The following NBAS variants were observed in gnomAD, a reference collection of about 807,000 sequenced individuals.
NBAS encodes NAG/BC035112 fusion.
A neutral mutation model predicts 302.5 loss-of-function variants in NBAS; 219 were observed. The ratio of observed to expected loss-of-function variants is 0.72; its 90% CI spans 0.65 to 0.81. The LOEUF (loss-of-function observed/expected upper bound fraction) is 0.81, where lower values mean the gene tolerates loss of function less well. Ranked by LOEUF, NBAS falls within the 30% of genes least tolerant of loss-of-function variation. NBAS has a pLI of 0.00. For synonymous variants in NBAS, 1,118 were observed against 1,021.6 expected (o/e 1.09, Z -1.80); for missense variants, 2,932 against 2,841.6 (o/e 1.03, Z -0.72).
At chr2:14,842,515 G>A in the NBAS span, among the ~76,000 whole-genome samples, 1 of 151,710 alleles carries the variant, frequency 6.6e-6, no homozygotes, top group East Asian at 1.9e-4. Context: ...GAAATAAGAA[G>A]AATCACCAGA....
the NBAS span, among the ~76,000 whole-genome samples, chr2:15,031,659 T>C: frequency 6.6e-6 from 1 of 152,160 alleles, no homozygotes; most frequent in Non-Finnish European, 1.5e-5. Flanking sequence ...TGAAGAGAGC[T>C]TTTCCCCCAC....
chr2:14,880,680 A>C, the NBAS span, among the ~76,000 whole-genome samples: 2 of 152,006 alleles, frequency 1.3e-5, no homozygotes, highest in Non-Finnish European at 2.9e-5. Context: ...TGAAAATAAG[A>C]GATATGAAAG....
the NBAS span, among the ~76,000 whole-genome samples, chr2:15,122,122 C>T: frequency 6.7e-6 from 1 of 148,514 alleles, no homozygotes; most frequent in Non-Finnish European, 1.5e-5. Context: ...GGATGGAGGA[C>T]TCCGTTAGCC....
At chr2:14,827,760 G>C in the NBAS span, among the ~76,000 whole-genome samples, 1 of 152,062 alleles carries the variant, frequency 6.6e-6, no homozygotes, top group African/African-American at 2.4e-5. Context: ...AAACTTAGAG[G>C]AGCAGGGAAT....
chr2:14,890,314 T>C, the NBAS span, among the ~76,000 whole-genome samples: 2 of 152,184 alleles, frequency 1.3e-5, no homozygotes, highest in African/African-American at 4.8e-5. Context: ...TGATGTAAGA[T>C]AGAAATTTCC....
intron 21 of NBAS, among the ~76,000 whole-genome samples, chr2:15,440,111 C>T (rs1166753679): frequency 2.6e-5 from 4 of 152,266 alleles, no homozygotes; most frequent in Non-Finnish European, 1.5e-5. Flanking sequence ...GCAGTAATCT[C>T]TGCAGACTTA....
the NBAS span, among the ~76,000 whole-genome samples, chr2:14,849,315 G>A: frequency 6.6e-6 from 1 of 152,028 alleles, no homozygotes; most frequent in African/African-American, 2.4e-5. Context: ...CGATCAACTG[G>A]AAGAAAGGGT....
At chr2:15,387,799 T>C (rs1675381289) in intron 28 of NBAS, among the ~76,000 whole-genome samples, 1 of 152,070 alleles carries the variant, frequency 6.6e-6, no homozygotes, top group East Asian at 1.9e-4. Flanking sequence ...ACCCAGCTAA[T>C]ATTTGTTTGT....
intron 8 of NBAS, among the ~76,000 whole-genome samples, chr2:15,535,552 A>AAATAAATAAATAAACT (rs1553334462): frequency 3.4e-4 from 9 of 26,536 alleles, no homozygotes; most frequent in African/African-American, 8.7e-4. Context: ...ATAAATAAAT[A>AAATAAATAAATAAACT]AATAAATAAA....
At chr2:15,305,457 T>G (rs1670989601) in intron 40 of NBAS, among the ~76,000 whole-genome samples, 1 of 150,890 alleles carries the variant, frequency 6.6e-6, no homozygotes. Flanking sequence ...CAGTTTTTTT[T>G]TTTTTTTTTT....
the NBAS span, among the ~76,000 whole-genome samples, chr2:15,138,039 A>C: frequency 6.6e-6 from 1 of 152,140 alleles, no homozygotes; most frequent in Non-Finnish European, 1.5e-5. Flanking sequence ...TCCAACACAC[A>C]ATACACGAGA....
intron 50 of NBAS, among the ~76,000 whole-genome samples, chr2:15,185,349 A>G (rs1665026253): frequency 6.6e-6 from 1 of 152,218 alleles, no homozygotes; most frequent in African/African-American, 2.4e-5. Flanking sequence ...GACCTTAAAC[A>G]ATGCTTTCCT....
At chr2:15,198,865 G>A (rs918917831) in intron 48 of NBAS, among the ~76,000 whole-genome samples, 2 of 152,104 alleles carry the variant, frequency 1.3e-5, no homozygotes, top group African/African-American at 2.4e-5. Flanking sequence ...GGTGGCTCAC[G>A]CCTGTAATCC....
chr2:15,218,311 C>T (rs1039580289), intron 48 of NBAS, among the ~76,000 whole-genome samples: 1 of 150,174 alleles, frequency 6.7e-6, no homozygotes, highest in South Asian at 2.1e-4. Flanking sequence ...TTTCGTTGTA[C>T]ATATTCAAGT....
the NBAS span, among the ~76,000 whole-genome samples, chr2:14,800,513 AC>A: frequency 6.6e-6 from 1 of 152,188 alleles, no homozygotes; most frequent in Non-Finnish European, 1.5e-5. Context: ...GTGAAAGTGG[AC>A]TAATATGCAT....
At chr2:15,543,074 G>A (rs979013385) in intron 6 of NBAS, among the ~76,000 whole-genome samples, 1 of 152,220 alleles carries the variant, frequency 6.6e-6, no homozygotes. Flanking sequence ...TACAAAGCAA[G>A]AGTCAATGAA....
At chr2:15,338,867 C>T (rs1672719623) in intron 35 of NBAS, among the ~76,000 whole-genome samples, 1 of 151,840 alleles carries the variant, frequency 6.6e-6, no homozygotes, top group Non-Finnish European at 1.5e-5. Flanking sequence ...ATAAAAATTA[C>T]CCAGGGATAG....
chr2:15,147,616 T>TAA, the NBAS span, among the ~76,000 whole-genome samples: 4 of 151,872 alleles, frequency 2.6e-5, no homozygotes, highest in East Asian at 7.8e-4. Flanking sequence ...TAAAAAAAAT[T>TAA]AAAAAAAGAG....
chr2:15,301,315 G>A (rs561015592), intron 40 of NBAS, among the ~76,000 whole-genome samples: 1 of 152,332 alleles, frequency 6.6e-6, no homozygotes, highest in Admixed American at 6.5e-5. Flanking sequence ...CTATAAAGAA[G>A]ATTCCTTTTC....
Sources: gnomAD v4.1 joint callset for allele counts (sites outside exome capture counted in the v4.1 genomes callset) on GRCh38, gnomAD v4.1.1 for gene constraint, MANE v1.5 for transcripts, NCBI Gene and HGNC (gene_info 2026-07-23, HGNC 2026-07-21) for gene names.